Variants in NELL2 observed in about 807,000 individuals in gnomAD.
The protein encoded by NELL2 is protein kinase C-binding protein NELL2.
NELL2 carries 41 observed loss-of-function variants against 109.6 expected under a neutral mutation model. The observed-to-expected ratio is 0.37, with a 90% confidence interval of 0.29 to 0.49. The LOEUF (loss-of-function observed/expected upper bound fraction) is 0.49. Ranked by LOEUF, NELL2 falls within the 20% of genes least tolerant of loss-of-function variation. NELL2 has a pLI of 0.98. For synonymous variants in NELL2, 355 were observed against 344.7 expected (o/e 1.03, Z -0.33); for missense variants, 900 against 1,008.3 (o/e 0.89, Z 1.45).
intron 15 of NELL2, among the ~76,000 whole-genome samples, chr12:44,600,878 T>C (rs551573526): frequency 6.6e-6 from 1 of 152,314 alleles, no homozygotes; most frequent in African/African-American, 2.4e-5. Context: ...ATGTACATAA[T>C]GTTTATTCAA....
chr12:44,522,231 G>C (rs916617675), intron 17 of NELL2, 55 bp from the exon 18 acceptor site: 1 of 1,407,130 alleles, frequency 7.1e-7, no homozygotes, highest in Non-Finnish European at 9.8e-7. Context: ...TCAGTAACAC[G>C]CACACACACA....
At chr12:44,690,891 G>C (rs1281251141) in intron 12 of NELL2, among the ~76,000 whole-genome samples, 3 of 152,124 alleles carry the variant, frequency 2.0e-5, no homozygotes, top group Non-Finnish European at 4.4e-5. Flanking sequence ...TCAGAAAAAA[G>C]TGCTTGTTCC....
intron 15 of NELL2, among the ~76,000 whole-genome samples, chr12:44,593,129 T>C (rs895374310): frequency 5.3e-5 from 8 of 152,188 alleles, no homozygotes; most frequent in Non-Finnish European, 1.0e-4. Context: ...AGTCACTGCA[T>C]AGTGCTAAAT....
intron 1 of NELL2, among the ~76,000 whole-genome samples, chr12:44,900,793 T>C (rs1266996293): frequency 2.0e-5 from 3 of 151,936 alleles, no homozygotes; most frequent in Admixed American, 2.0e-4. Flanking sequence ...GATCGAGACC[T>C]TCCTGGCCAA....
At chr12:44,881,376 T>C (rs1343319780) in intron 1 of NELL2, among the ~76,000 whole-genome samples, 3 of 151,766 alleles carry the variant, frequency 2.0e-5, no homozygotes, top group African/African-American at 7.3e-5. Context: ...TAAACACAAA[T>C]ACTCTTGAAA....
At chr12:44,599,321 G>T (rs1232293305) in intron 15 of NELL2, among the ~76,000 whole-genome samples, 1 of 151,834 alleles carries the variant, frequency 6.6e-6, no homozygotes, top group Non-Finnish European at 1.5e-5. Flanking sequence ...TATAATATGA[G>T]TACGTTTAAA....
At chr12:44,657,195 T>C (rs969791010) in intron 13 of NELL2, among the ~76,000 whole-genome samples, 1 of 152,140 alleles carries the variant, frequency 6.6e-6, no homozygotes, top group South Asian at 2.1e-4. Context: ...AATATCATCA[T>C]AAAATTCACC....
chr12:44,549,592 C>T (rs1485366333), intron 15 of NELL2, among the ~76,000 whole-genome samples: 1 of 152,002 alleles, frequency 6.6e-6, no homozygotes, highest in Non-Finnish European at 1.5e-5. Context: ...AATCAGCATA[C>T]AAAAATCAGT....
chr12:44,618,626 T>C (rs1592216348), intron 13 of NELL2, among the ~76,000 whole-genome samples: 2 of 152,232 alleles, frequency 1.3e-5, no homozygotes, highest in African/African-American at 4.8e-5. Context: ...AGGTTTCAGC[T>C]ATATCATTCT....
chr12:44,868,583 G>A (rs1340966124), intron 2 of NELL2, among the ~76,000 whole-genome samples: 1 of 152,156 alleles, frequency 6.6e-6, no homozygotes, highest in Admixed American at 6.5e-5. Context: ...CCTGTTATTT[G>A]AGACAACGTG....
chr12:44,745,719 AC>A (rs1940303329), intron 9 of NELL2, among the ~76,000 whole-genome samples: 1 of 152,206 alleles, frequency 6.6e-6, no homozygotes, highest in African/African-American at 2.4e-5. Context: ...AGAATAAAAT[AC>A]CTGGGAATCC....
intron 15 of NELL2, among the ~76,000 whole-genome samples, chr12:44,561,743 C>A (rs1028615935): frequency 1.3e-5 from 2 of 152,154 alleles, no homozygotes; most frequent in Non-Finnish European, 2.9e-5. Flanking sequence ...GGCCACACTG[C>A]CAAAAGTAAT....
intron 12 of NELL2, among the ~76,000 whole-genome samples, chr12:44,668,088 G>A (rs1266027915): frequency 2.6e-5 from 4 of 152,088 alleles, no homozygotes. Flanking sequence ...TACATCCCTA[G>A]AGCACCATGG....
At position 44,662,562 on chromosome 12, in the gene NELL2, T is replaced by A. The variant is rs563421926; in HGVS notation, c.1444+2922A>T. Among the ~76,000 whole-genome samples the A allele has an allele frequency of 2.6e-5, 4 of 152,294 alleles. No homozygotes were observed. The South Asian group carries it at 8.3e-4, about 32-fold the overall frequency. On this transcript the variant is annotated intron_variant, in intron 13 of 19. Transcript: ENST00000429094. ...TTTAATAATTCTTCCATCTACAAAA[T>A]TTTATGAACATGAGGAAAATCTAAC...
intron 3 of NELL2, 22 bp from the exon 4 acceptor site, chr12:44,780,044 G>A: frequency 6.2e-7 from 1 of 1,607,132 alleles, no homozygotes; most frequent in South Asian, 1.1e-5. Context: ...AGAGCCACAT[G>A]GGACACATTA....
At chr12:44,570,378 A>G (rs1943818878) in intron 15 of NELL2, among the ~76,000 whole-genome samples, 2 of 152,180 alleles carry the variant, frequency 1.3e-5, no homozygotes, top group South Asian at 2.1e-4. Flanking sequence ...GTTGTCAAAA[A>G]TTGATCAATC....
At chr12:44,806,648 T>C (rs1943010579) in intron 3 of NELL2, among the ~76,000 whole-genome samples, 1 of 151,856 alleles carries the variant, frequency 6.6e-6, no homozygotes, top group Admixed American at 6.6e-5. Context: ...TTTCCTGCTT[T>C]GGTTGTTTAG....
chr12:44,870,968 T>G (rs1258698622), intron 2 of NELL2, among the ~76,000 whole-genome samples: 2 of 152,178 alleles, frequency 1.3e-5, no homozygotes, highest in Non-Finnish European at 2.9e-5. Flanking sequence ...TCTGCTCTAT[T>G]AGTATAGCCT....
chr12:44,871,064 G>T (rs540102027), intron 2 of NELL2, among the ~76,000 whole-genome samples: 1 of 151,782 alleles, frequency 6.6e-6, no homozygotes, highest in East Asian at 1.9e-4. Context: ...CTTCCTCCAC[G>T]TTCTCAAATG....
Sources: allele counts gnomAD v4.1 joint callset (sites outside exome capture counted in the v4.1 genomes callset), GRCh38; gene constraint gnomAD v4.1.1; transcripts MANE v1.5; gene names NCBI Gene and HGNC (gene_info 2026-07-23, HGNC 2026-07-21).